The following MYOZ2 variants were observed in gnomAD, a reference collection of about 807,000 sequenced individuals.
MYOZ2 encodes the protein myozenin-2.
Under a neutral mutation model 25.4 loss-of-function variants are expected in MYOZ2, and 19 were observed. That is an observed-to-expected ratio of 0.75 (90% CI 0.52 to 1.10). MYOZ2 has a LOEUF of 1.10. Among genes scored for constraint, MYOZ2 ranks in the 50% least tolerant of loss-of-function variants. The pLI is 0.00. For synonymous variants in MYOZ2, 92 were observed against 106.9 expected, an observed-to-expected ratio of 0.86 and a Z score of 0.86; for missense variants, 270 against 317.9, an observed-to-expected ratio of 0.85 and a Z score of 1.15.
chr4:119,164,100 A>G (rs1460626855), intron 4 of MYOZ2, 111 bp from the exon 5 acceptor site: 1 of 1,028,150 alleles, frequency 9.7e-7, no homozygotes, highest in Admixed American at 1.9e-5. Flanking sequence ...AAAAGGATGC[A>G]TGCTTCATAA....
intron 5 of MYOZ2, among the ~76,000 whole-genome samples, chr4:119,182,663 C>T (rs1742207864): frequency 6.6e-6 from 1 of 152,130 alleles, no homozygotes; most frequent in Non-Finnish European, 1.5e-5. Flanking sequence ...GCAAAGTTCA[C>T]AAGAGGGTTT....
At chr4:119,141,541 C>T (rs1236044591) in intron 2 of MYOZ2, among the ~76,000 whole-genome samples, 2 of 152,138 alleles carry the variant, frequency 1.3e-5, no homozygotes, top group African/African-American at 2.4e-5. Context: ...TGCCACTACG[C>T]TTGGCTAATT....
At chr4:119,140,648 A>G (rs556661909) in intron 2 of MYOZ2, among the ~76,000 whole-genome samples, 6 of 152,198 alleles carry the variant, frequency 3.9e-5, no homozygotes, top group Non-Finnish European at 8.8e-5. Flanking sequence ...CTGAAGTTGA[A>G]ATTGCAGAGT....
At chr4:119,141,557 A>T (rs1257699447) in intron 2 of MYOZ2, among the ~76,000 whole-genome samples, 1 of 151,820 alleles carries the variant, frequency 6.6e-6, no homozygotes, top group African/African-American at 2.4e-5. Flanking sequence ...TAATTTTTGT[A>T]TTTTTTTAGT....
intron 5 of MYOZ2, among the ~76,000 whole-genome samples, chr4:119,167,092 T>C (rs1741840343): frequency 6.6e-6 from 1 of 152,182 alleles, no homozygotes; most frequent in Non-Finnish European, 1.5e-5. Flanking sequence ...GATTAGACAG[T>C]GAGGAAGACA....
At chr4:119,179,317 C>T (rs901478907) in intron 5 of MYOZ2, among the ~76,000 whole-genome samples, 1 of 152,172 alleles carries the variant, frequency 6.6e-6, no homozygotes, top group South Asian at 2.1e-4. Flanking sequence ...ATGCTTTCCT[C>T]AGATTTTCAG....
chr4:119,149,704 A>G (rs888810384), intron 2 of MYOZ2, among the ~76,000 whole-genome samples: 3 of 152,122 alleles, frequency 2.0e-5, no homozygotes, highest in African/African-American at 7.2e-5. Flanking sequence ...ATAATGTCCA[A>G]CATGTGAGGT....
rs531831706 is a variant in MYOZ2 at position 119,136,802 on chromosome 4, CA to C, written c.76+202del. Among the ~76,000 whole-genome samples, 50 of 152,232 alleles carry C rather than the reference CA, an allele frequency of 3.3e-4. 1 individual carries two copies. In the South Asian group the frequency reaches 0.01, roughly 31 times the overall value. ...TCCTTTCTCATTTGGAAGCTATTTTCAGAGGAACAACTGCTGTAAAAGGCAT... is the reference window on the plus strand; with the variant it reads ...TCCTTTCTCATTTGGAAGCTATTTTCGAGGAACAACTGCTGTAAAAGGCAT... On this transcript the variant is annotated intron_variant, in intron 2 of 5. Coordinates refer to ENST00000307128, the MANE Select transcript of MYOZ2 (RefSeq NM_016599.5).
intron 5 of MYOZ2, among the ~76,000 whole-genome samples, chr4:119,184,799 G>A (rs182304775): frequency 6.6e-6 from 1 of 152,298 alleles, no homozygotes; most frequent in East Asian, 1.9e-4. Context: ...GAATGCTAAG[G>A]TTTTTGAGGT....
At chr4:119,178,796 A>G (rs1459785190) in intron 5 of MYOZ2, among the ~76,000 whole-genome samples, 1 of 152,142 alleles carries the variant, frequency 6.6e-6, no homozygotes, top group East Asian at 1.9e-4. Context: ...TAGTAGAAAC[A>G]GCATTTTGTC....
At chr4:119,147,970 C>T (rs542195271) in intron 2 of MYOZ2, among the ~76,000 whole-genome samples, 3 of 152,166 alleles carry the variant, frequency 2.0e-5, no homozygotes, top group Non-Finnish European at 4.4e-5. Context: ...AGGCTTCCTT[C>T]TTTTATTGTT....
At chr4:119,149,905 A>G (rs1175455044) in intron 2 of MYOZ2, among the ~76,000 whole-genome samples, 1 of 152,194 alleles carries the variant, frequency 6.6e-6, no homozygotes, top group African/African-American at 2.4e-5. Context: ...GTTTTATCCC[A>G]AAAGCTTAAT....
intron 5 of MYOZ2, among the ~76,000 whole-genome samples, chr4:119,176,296 C>T (rs1742070536): frequency 6.6e-6 from 1 of 151,614 alleles, no homozygotes; most frequent in African/African-American, 2.4e-5. Flanking sequence ...TCTCGGCTCA[C>T]TGCAACCTCC....
At chr4:119,151,959 ATT>A (rs1372705752) in intron 3 of MYOZ2, among the ~76,000 whole-genome samples, 11 of 152,106 alleles carry the variant, frequency 7.2e-5, no homozygotes. Context: ...TCCCTGATTT[ATT>A]TTATCATAAT....
chr4:119,176,637 C>G (rs1301997246), intron 5 of MYOZ2, among the ~76,000 whole-genome samples: 4 of 152,128 alleles, frequency 2.6e-5, no homozygotes, highest in Non-Finnish European at 5.9e-5. Flanking sequence ...CATAAAGACT[C>G]CTCAGTCACT....
chr4:119,136,660 T>C (rs56887965), intron 2 of MYOZ2, 59 bp downstream of exon 2: 1 of 1,511,372 alleles, frequency 6.6e-7, no homozygotes. Flanking sequence ...GGCTCCATCC[T>C]GACGTTGTTT....
At chr4:119,155,316 A>G (rs1447885160) in intron 3 of MYOZ2, among the ~76,000 whole-genome samples, 1 of 152,208 alleles carries the variant, frequency 6.6e-6, no homozygotes, top group Admixed American at 6.6e-5. Flanking sequence ...ACTAGACTTC[A>G]GCCAGATTAT....
chr4:119,186,094 G>A lies in MYOZ2; in HGVS notation c.689G>A (p.Arg230Gln), dbSNP rs727503332. Residue 230 changes from arginine to glutamine, a missense_variant, in exon 6 of 6, where the codon CGG becomes CAG. Arg to Gln is a conservative substitution (Grantham distance 43). Coordinates refer to ENST00000307128, the MANE Select transcript of MYOZ2 (RefSeq NM_016599.5). Reference protein sequence around the residue: ...MSFVNPLSGRRSFNRTPKGWI... With the variant: ...MSFVNPLSGRQSFNRTPKGWI... ...TTTGTCAATCCCCTTTCTGGCAGAC[G>A]GTCCTTTAATAGGACTCCTAAGGGA... 65 of 1,613,628 alleles carry A rather than the reference G, an allele frequency of 4.0e-5. 1 individual carries two copies. Among genetic ancestry groups the A allele is most frequent in the South Asian group, 1.6e-4 (15 of 91,070 alleles).
intron 2 of MYOZ2, among the ~76,000 whole-genome samples, chr4:119,139,470 T>C (rs4270572): frequency 0.97 from 147,195 of 152,312 alleles, 71,149 homozygotes; most frequent in East Asian, 0.99. Flanking sequence ...TTGTGCAATT[T>C]ACCCCTAAAT....
Sources: gnomAD v4.1 joint callset for allele counts (sites outside exome capture counted in the v4.1 genomes callset) on GRCh38, gnomAD v4.1.1 for gene constraint, MANE v1.5 for transcripts, NCBI Gene and HGNC (gene_info 2026-07-23, HGNC 2026-07-21) for gene names.